Variants in ROBO2 observed in about 807,000 individuals in gnomAD.
The protein encoded by ROBO2 is roundabout guidance receptor 2.
ROBO2 carries 53 observed loss-of-function variants against 160.8 expected under a neutral mutation model. The ratio of observed to expected loss-of-function variants is 0.33; its 90% CI spans 0.26 to 0.41. The LOEUF (loss-of-function observed/expected upper bound fraction) is 0.41. Ranked by LOEUF, ROBO2 falls within the 10% of genes least tolerant of loss-of-function variation. ROBO2 has a pLI of 1.00. For synonymous variants in ROBO2, 664 were observed against 611.7 expected, an observed-to-expected ratio of 1.09 and a Z score of -1.26; for missense variants, 1,577 against 1,722.4, an observed-to-expected ratio of 0.92 and a Z score of 1.49.
At position 75,914,956 on chromosome 3, in the gene ROBO2, C is replaced by A. The variant is rs1393838719; in HGVS notation, c.-14+7996C>A. ...AGGCCAGCTGTTCCTTTTGCCCACC[C>A]ACATCACTGGGGACATATGGCATTA... is the stretch of plus-strand genomic sequence containing the variant. On this transcript the variant is annotated intron_variant, in intron 1 of 26. Coordinates refer to the ROBO2 transcript ENST00000487694. Among the ~76,000 whole-genome samples, 3 of 152,172 alleles carry A rather than the reference C, an allele frequency of 2.0e-5. 1 individual carries two copies. Among genetic ancestry groups the A allele is most frequent in the African/African-American group, 7.2e-5 (3 of 41,432 alleles).
chr3:76,553,894 G>A (rs1264187042), intron 2 of ROBO2, among the ~76,000 whole-genome samples: 2 of 152,060 alleles, frequency 1.3e-5, no homozygotes, highest in Admixed American at 1.3e-4. Flanking sequence ...TATTATCATG[G>A]GTGTGGAAAA....
chr3:76,311,155 C>T (rs891149434), intron 2 of ROBO2: 1 of 152,162 alleles, frequency 6.6e-6, no homozygotes, highest in South Asian at 2.1e-4. Flanking sequence ...CTCAGGGCTA[C>T]ATCAGGAAGC....
chr3:76,119,045 C>T (rs1347112309), intron 2 of ROBO2, among the ~76,000 whole-genome samples: 1 of 151,982 alleles, frequency 6.6e-6, no homozygotes, highest in Admixed American at 6.6e-5. Context: ...GAAATGAATG[C>T]AATATGAGGA....
intron 24 of ROBO2, among the ~76,000 whole-genome samples, chr3:77,641,520 A>G (rs984763448): frequency 5.9e-5 from 9 of 152,228 alleles, no homozygotes; most frequent in African/African-American, 1.9e-4. Context: ...ACAACAGAAT[A>G]CATTTACAAA....
At chr3:76,859,685 G>T (rs751276050) in intron 2 of ROBO2, among the ~76,000 whole-genome samples, 135 of 152,300 alleles carry the variant, frequency 8.9e-4, no homozygotes, top group Non-Finnish European at 1.7e-3. Flanking sequence ...CTGAACTGAA[G>T]CTTTCTCAGC....
At chr3:76,297,276 C>T (rs1199239690) in intron 2 of ROBO2, among the ~76,000 whole-genome samples, 2 of 152,172 alleles carry the variant, frequency 1.3e-5, no homozygotes, top group Admixed American at 6.5e-5. Context: ...AACTGGATTT[C>T]CTCATCAGTC....
At chr3:76,214,483 T>C (rs1222032845) in intron 2 of ROBO2, among the ~76,000 whole-genome samples, 1 of 152,164 alleles carries the variant, frequency 6.6e-6, no homozygotes, top group Non-Finnish European at 1.5e-5. Flanking sequence ...GCTTTTCCAA[T>C]GGGCTTAACA....
At chr3:76,183,142 G>C (rs1051335635) in intron 2 of ROBO2, among the ~76,000 whole-genome samples, 1 of 152,102 alleles carries the variant, frequency 6.6e-6, no homozygotes, top group Non-Finnish European at 1.5e-5. Context: ...CTGAAACCTA[G>C]GTTCAGCTGT....
At chr3:76,982,981 T>C (rs2060175196) in intron 2 of ROBO2, among the ~76,000 whole-genome samples, 1 of 152,162 alleles carries the variant, frequency 6.6e-6, no homozygotes, top group African/African-American at 2.4e-5. Flanking sequence ...TTATTCCAAC[T>C]TGGTGTTTAA....
chr3:76,496,499 T>C (rs901417959), intron 2 of ROBO2, among the ~76,000 whole-genome samples: 3 of 152,324 alleles, frequency 2.0e-5, no homozygotes, highest in African/African-American at 7.2e-5. Flanking sequence ...GCTTATTTGC[T>C]TCTATATTTT....
chr3:76,392,236 A>G (rs1183742155), intron 2 of ROBO2, among the ~76,000 whole-genome samples: 2 of 152,184 alleles, frequency 1.3e-5, no homozygotes, highest in Non-Finnish European at 2.9e-5. Flanking sequence ...ATGACTTTCT[A>G]TAAAGTAGGA....
At chr3:77,540,820 A>G (rs562207164) in intron 6 of ROBO2, among the ~76,000 whole-genome samples, 14 of 142,276 alleles carry the variant, frequency 9.8e-5, no homozygotes, top group Admixed American at 5.2e-4. Flanking sequence ...ATAGTAGTTG[A>G]AACATAAGGC....
In ROBO2 at chr3:76,860,490, GT is replaced by G. The variant is rs1336951293; in HGVS notation, c.110-237518del. ...AGATGTTCTCCTTTGGGTCTTTTTTGTTTTTTGTTTTTTAATTGCTTATGTC... is the reference window on the plus strand; with the variant it reads ...AGATGTTCTCCTTTGGGTCTTTTTTGTTTTTGTTTTTTAATTGCTTATGTC... On this transcript the variant is annotated intron_variant, in intron 2 of 26. Coordinates refer to the ROBO2 transcript ENST00000487694. Among the ~76,000 whole-genome samples the G allele has an allele frequency of 2.0e-5, 3 of 151,906 alleles. No homozygotes were observed. The South Asian group carries it at 6.2e-4, about 32-fold the overall frequency.
chr3:77,473,748 G>C (rs1560936473), intron 2 of ROBO2, among the ~76,000 whole-genome samples: 1 of 152,046 alleles, frequency 6.6e-6, no homozygotes. Context: ...GAGCCACCGC[G>C]CCTGGCTGCA....
chr3:77,588,995 A>G, intron 17 of ROBO2, 62 bp downstream of exon 18: 1 of 1,565,338 alleles, frequency 6.4e-7, no homozygotes, highest in Non-Finnish European at 8.8e-7. Flanking sequence ...AAATGAATGG[A>G]AGGAACAGAA....
intron 2 of ROBO2, among the ~76,000 whole-genome samples, chr3:76,810,475 A>C (rs1371036081): frequency 6.6e-6 from 1 of 152,200 alleles, no homozygotes; most frequent in Non-Finnish European, 1.5e-5. Context: ...AGGTAGGTGC[A>C]CTTGAGGAAA....
chr3:77,350,575 G>C (rs975665422), intron 2 of ROBO2, among the ~76,000 whole-genome samples: 7 of 152,112 alleles, frequency 4.6e-5, no homozygotes, highest in African/African-American at 1.7e-4. Context: ...CTAAATTAGA[G>C]ACGAAGGACA....
At chr3:76,488,476 G>A (rs1019623240) in intron 2 of ROBO2, among the ~76,000 whole-genome samples, 9 of 152,156 alleles carry the variant, frequency 5.9e-5, no homozygotes, top group East Asian at 1.9e-4. Context: ...GTTGCCTGCC[G>A]TGTGGTCCTC....
intron 2 of ROBO2, among the ~76,000 whole-genome samples, chr3:76,451,690 A>G (rs2077482326): frequency 1.3e-5 from 2 of 152,308 alleles, no homozygotes; most frequent in Middle Eastern, 3.4e-3. Context: ...TTATAGTGCC[A>G]TAAGCATTTG....
Sources: allele counts gnomAD v4.1 joint callset (sites outside exome capture counted in the v4.1 genomes callset), GRCh38; gene constraint gnomAD v4.1.1; transcripts MANE v1.5; gene names NCBI Gene and HGNC (gene_info 2026-07-23, HGNC 2026-07-21).